TMX2: variants seen among roughly 807,000 people sequenced by gnomAD.
The protein encoded by TMX2 is thioredoxin related transmembrane protein 2.
In TMX2, 20 loss-of-function variants were observed where a neutral mutation model predicts 33.4. The ratio of observed to expected loss-of-function variants is 0.60; its 90% CI spans 0.42 to 0.87. The LOEUF is 0.87. TMX2 is among the 40% of genes least tolerant of loss of function. The pLI is 0.00. For missense variants in TMX2, 340 were observed against 370.7 expected (o/e 0.92, Z 0.68); for synonymous variants, 166 against 140.7 (o/e 1.18, Z -1.27).
chr11:57,733,247 A>ATTTTTTTT (rs71061537), intron 1 of TMX2, among the ~76,000 whole-genome samples: 5 of 74,888 alleles, frequency 6.7e-5, no homozygotes, highest in Non-Finnish European at 1.2e-4. Flanking sequence ...ACAGTGAGGA[A>ATTTTTTTT]TTTTTTTTTT....
At chr11:57,721,646 T>G (rs1383499929) in intron 1 of TMX2, among the ~76,000 whole-genome samples, 3 of 152,166 alleles carry the variant, frequency 2.0e-5, no homozygotes, top group African/African-American at 7.2e-5. Flanking sequence ...GCCAATTTAC[T>G]TAGCGACTTA....
At chr11:57,730,343 C>T (rs2135570900) in intron 1 of TMX2, among the ~76,000 whole-genome samples, 1 of 144,338 alleles carries the variant, frequency 6.9e-6, no homozygotes, top group East Asian at 2.1e-4. Flanking sequence ...AGGAGAATCG[C>T]TTGAACCTGG....
chr11:57,740,754 T>A lies in TMX2; in HGVS notation c.*509T>A, dbSNP rs1384022621. The A allele has an allele frequency of 6.5e-6, 1 of 153,382 alleles. No individual in the cohort carries two copies. The highest frequency in any genetic ancestry group is 1.5e-5 in the Non-Finnish European group (1 of 68,818). 9.5% of individuals were successfully genotyped at this position (153,382 alleles called of 1,614,324 possible). On this transcript the variant is annotated 3_prime_UTR_variant, in exon 8 of 8. Transcript: ENST00000278422. ...ATAAGCCTAACTTTGTCGCTAGTCC[T>A]AAGGAGAAACCTTTAACCACAAAGT...
chr11:57,712,962 C>G (rs1565209102), intron 1 of TMX2, among the ~76,000 whole-genome samples, 155 bp downstream of exon 1: 1 of 152,174 alleles, frequency 6.6e-6, no homozygotes, highest in African/African-American at 2.4e-5. Context: ...GAACCATCAT[C>G]GAGTCTAAAC....
At chr11:57,715,586 CT>C (rs367827761) in intron 1 of TMX2, among the ~76,000 whole-genome samples, 12 of 130,090 alleles carry the variant, frequency 9.2e-5, no homozygotes, top group Non-Finnish European at 1.3e-4. Context: ...AATTTGTTTT[CT>C]TTTTTTTTTC....
chr11:57,719,825 T>C (rs1028640682), intron 1 of TMX2, among the ~76,000 whole-genome samples: 1 of 151,986 alleles, frequency 6.6e-6, no homozygotes, highest in Non-Finnish European at 1.5e-5. Context: ...GCCTTGAAAA[T>C]GTAAAATTTC....
At chr11:57,728,202 G>A (rs628100) in intron 1 of TMX2, among the ~76,000 whole-genome samples, 41,624 of 151,454 alleles carry the variant, frequency 0.27, 6,801 homozygotes, top group East Asian at 0.79. Flanking sequence ...TCGCTGTGTC[G>A]CCCAGGCTGG....
chr11:57,718,495 A>G, intron 1 of TMX2: 1 of 829,302 alleles, frequency 1.2e-6, no homozygotes, highest in Non-Finnish European at 2.1e-6. Flanking sequence ...GGGGCTCACC[A>G]TCCACGGTGA....
intron 1 of TMX2, chr11:57,718,324 T>TA: frequency 6.4e-7 from 1 of 1,557,512 alleles, no homozygotes; most frequent in Admixed American, 1.7e-5. Context: ...CCAGTGCCAT[T>TA]ATGGCGTGTG....
chr11:57,726,414 A>G (rs1947992885), intron 1 of TMX2, among the ~76,000 whole-genome samples: 1 of 151,964 alleles, frequency 6.6e-6, no homozygotes. Context: ...CTCCATCTCC[A>G]TAAAAGATAA....
intron 2 of TMX2, 43 bp downstream of exon 2, chr11:57,737,711 C>G (rs1284511064): frequency 2.5e-6 from 4 of 1,589,470 alleles, no homozygotes; most frequent in Non-Finnish European, 3.5e-6. Context: ...AGATCTAATG[C>G]CCTTTGGAGG....
intron 1 of TMX2, among the ~76,000 whole-genome samples, chr11:57,723,836 A>AATAATAATAATAAGC (rs1947800481): frequency 6.7e-6 from 1 of 149,086 alleles, no homozygotes; most frequent in African/African-American, 2.4e-5. Context: ...TAATAATAAT[A>AATAATAATAATAAGC]AGCTAAGAGT....
chr11:57,737,860 T>A (rs1328189640), intron 2 of TMX2, 53 bp from the exon 3 acceptor site: 1 of 1,614,046 alleles, frequency 6.2e-7, no homozygotes, highest in African/African-American at 1.3e-5. Context: ...GGACAAAGAA[T>A]GGGATATAGG....
At chr11:57,718,164 C>T (rs1351741329) in intron 1 of TMX2, 8 of 1,229,940 alleles carry the variant, frequency 6.5e-6, no homozygotes, top group Admixed American at 1.7e-5. Flanking sequence ...CACATGCTTG[C>T]CATCCAACCA....
chr11:57,728,405 C>T (rs2135555681), intron 1 of TMX2, among the ~76,000 whole-genome samples: 2 of 152,250 alleles, frequency 1.3e-5, no homozygotes, highest in South Asian at 4.2e-4. Flanking sequence ...TGGCTCCCAA[C>T]GTTGGCCTCA....
chr11:57,723,988 C>A (rs893264275), intron 1 of TMX2, among the ~76,000 whole-genome samples: 2 of 151,288 alleles, frequency 1.3e-5, no homozygotes, highest in Non-Finnish European at 2.9e-5. Context: ...AGGGCAAAAC[C>A]AAGTAACTAT....
rs2135671044 is a variant in TMX2 at position 57,740,302 on chromosome 11, A to G, written c.*57A>G. 1 of 1,515,278 alleles carries G rather than the reference A, an allele frequency of 6.6e-7. No homozygotes were observed. Among genetic ancestry groups the G allele is most frequent in the East Asian group, 2.3e-5 (1 of 42,562 alleles). The allele number at this position is 1,515,278 out of a possible 1,614,324, so 93.9% of individuals were successfully genotyped here. On this transcript the variant is annotated 3_prime_UTR_variant, in exon 8 of 8. Coordinates refer to ENST00000278422, the MANE Select transcript of TMX2 (RefSeq NM_015959.4). ...TCAATTCCAGGCTCTTTCCATAACC[A>G]CAAGCCTGAGGCTGCAGCCTTTTAT... is the stretch of plus-strand genomic sequence containing the variant.
chr11:57,729,729 T>C (rs1471600707), intron 1 of TMX2, among the ~76,000 whole-genome samples: 1 of 150,976 alleles, frequency 6.6e-6, no homozygotes, highest in Non-Finnish European at 1.5e-5. Context: ...TCGGCATACC[T>C]AATAAGTCTA....
At position 57,736,530 on chromosome 11, in the gene TMX2, C is replaced by G. The variant is rs1054420597; in HGVS notation, c.190-1078C>G. Among the ~76,000 whole-genome samples the G allele has an allele frequency of 4.6e-5, 7 of 152,040 alleles. 1 individual carries two copies. The highest frequency in any genetic ancestry group is 3.9e-4 in the East Asian group (2 of 5,186). On this transcript the variant is annotated intron_variant, in intron 1 of 7. Coordinates refer to ENST00000278422, the MANE Select transcript of TMX2 (RefSeq NM_015959.4). ...TTTTGAGAGCTCTGAAAGCCCCTTT[C>G]AGCTCTCAAATTATATCAAAAGTAC...
Sources: gnomAD v4.1 joint callset for allele counts (sites outside exome capture counted in the v4.1 genomes callset) on GRCh38, gnomAD v4.1.1 for gene constraint, MANE v1.5 for transcripts, NCBI Gene and HGNC (gene_info 2026-07-23, HGNC 2026-07-21) for gene names.